The following ZNF568 variants were observed in gnomAD, a reference collection of about 807,000 sequenced individuals.
The protein encoded by ZNF568 is zinc finger protein 568.
In ZNF568, 11 loss-of-function variants were observed where a neutral mutation model predicts 18.1. The observed-to-expected ratio is 0.61, with a 90% CI of 0.38 to 1.00. The LOEUF (loss-of-function observed/expected upper bound fraction) is 1.00. Ranked by LOEUF, ZNF568 falls within the 50% of genes least tolerant of loss-of-function variation. The pLI is 0.01. For missense variants in ZNF568, 639 were observed against 768.2 expected, an observed-to-expected ratio of 0.83 and a Z score of 1.99; for synonymous variants, 213 against 246.6, an observed-to-expected ratio of 0.86 and a Z score of 1.28.
intron 2 of ZNF568, among the ~76,000 whole-genome samples, chr19:36,918,121 T>C (rs2073383747): frequency 6.6e-6 from 1 of 152,130 alleles, no homozygotes; most frequent in Non-Finnish European, 1.5e-5. Flanking sequence ...TGATTTTTTG[T>C]ATTTTTAGCA....
chr19:36,940,499 C>A (rs890046782), intron 6 of ZNF568, among the ~76,000 whole-genome samples: 1 of 152,136 alleles, frequency 6.6e-6, no homozygotes, highest in Non-Finnish European at 1.5e-5. Context: ...AACTTTTATT[C>A]TTCCTATAAA....
chr19:36,997,788 A>T, downstream of ZNF568: 1 of 590,106 alleles, frequency 1.7e-6, no homozygotes, highest in South Asian at 2.1e-5. Context: ...AAAAAAACTT[A>T]TGATTCTAAG....
At chr19:36,964,318 G>A (rs1397192946) in intron 6 of ZNF568, among the ~76,000 whole-genome samples, 1 of 152,156 alleles carries the variant, frequency 6.6e-6, no homozygotes, top group African/African-American at 2.4e-5. Context: ...TGTTAGATTC[G>A]CTTCTGAACC....
intron 2 of ZNF568, among the ~76,000 whole-genome samples, chr19:36,989,760 G>C (rs1243377956): frequency 6.6e-6 from 1 of 151,894 alleles, no homozygotes; most frequent in Non-Finnish European, 1.5e-5. Flanking sequence ...TCACTGTGTT[G>C]GTCTTGAACT....
chr19:36,944,557 A>G (rs1479253757), intron 6 of ZNF568, among the ~76,000 whole-genome samples: 1 of 152,074 alleles, frequency 6.6e-6, no homozygotes, highest in African/African-American at 2.4e-5. Context: ...CACCCTTGAC[A>G]CTATTGACAT....
In ZNF568 at chr19:36,996,870, AC is replaced by A. The variant is rs777613591; in HGVS notation, c.786del (p.Tyr263IlefsTer72). Reference sequence around the variant, plus strand: ...ATCAGAGGATGCATCTTGGTGAGAAACCCTATAAGTGTAGGGAGTGTGGGAA... The same window carrying A: ...ATCAGAGGATGCATCTTGGTGAGAAACCTATAAGTGTAGGGAGTGTGGGAA... On this transcript the variant is annotated frameshift_variant, in exon 5 of 5. Coordinates refer to the ZNF568 transcript ENST00000433993. LOFTEE classifies it low-confidence loss of function (END_TRUNC). 2.0e-4 allele frequency: 310 copies of A among 1,540,080 alleles called. 1 individual carries two copies. Among genetic ancestry groups the A allele is most frequent in the Non-Finnish European group, 2.7e-4 (305 of 1,148,756 alleles).
downstream of ZNF568, among the ~76,000 whole-genome samples, chr19:36,983,276 C>A (rs2074346603): frequency 6.6e-6 from 1 of 152,164 alleles, no homozygotes; most frequent in African/African-American, 2.4e-5. Flanking sequence ...GGTCTAGCCT[C>A]ATAAAATATA....
At chr19:36,993,789 T>G (rs1370165643) in intron 4 of ZNF568, among the ~76,000 whole-genome samples, 1 of 152,100 alleles carries the variant, frequency 6.6e-6, no homozygotes, top group South Asian at 2.1e-4. Flanking sequence ...ACTTCTCTCT[T>G]TTTTTGTTGG....
rs748716762 is a variant in ZNF568, at chr19:36,974,498, A to T, written c.405+32A>T. ...TGCATTTGACATTTTCTTGGAAAGGACTTACTGGTTTTCAGGACAGTGTCC... is the reference window on the plus strand; with the variant it reads ...TGCATTTGACATTTTCTTGGAAAGGTCTTACTGGTTTTCAGGACAGTGTCC... On this transcript the variant is annotated intron_variant, in intron 7 of 7. Coordinates refer to the ZNF568 transcript ENST00000427117. 7.8e-6 allele frequency: 12 copies of T among 1,532,662 alleles called. No individual in the cohort carries two copies. The South Asian group carries it at 1.4e-4, about 18-fold the overall frequency. The allele number at this position is 1,532,662 out of a possible 1,614,324, so 94.9% of individuals were successfully genotyped here.
At chr19:36,947,265 C>T (rs538356436) in intron 6 of ZNF568, among the ~76,000 whole-genome samples, 62 of 151,840 alleles carry the variant, frequency 4.1e-4, no homozygotes, top group African/African-American at 1.4e-3. Flanking sequence ...CCACCTGCCT[C>T]GGCCTCCCAA....
rs77508491 is a variant in ZNF568, at chr19:36,941,171, G to A, written c.358+3929G>A. Reference sequence around the variant, plus strand: ...GTTTATAAGATAAACAGAATATGAAGGTTAAAACACATCTAGTTATCTGAA... The same window carrying A: ...GTTTATAAGATAAACAGAATATGAAAGTTAAAACACATCTAGTTATCTGAA... On this transcript the variant is annotated intron_variant, in intron 6 of 6. Transcript: ENST00000333987. Among the ~76,000 whole-genome samples the A allele has an allele frequency of 4.0e-3, 604 of 152,252 alleles. 4 individuals carry two copies. The highest frequency in any genetic ancestry group is 0.014 in the African/African-American group (576 of 41,550).
chr19:36,993,988 CAGTT>C (rs1379340439), intron 4 of ZNF568, among the ~76,000 whole-genome samples: 2 of 148,982 alleles, frequency 1.3e-5, no homozygotes, highest in African/African-American at 2.5e-5. Flanking sequence ...TTAAGATATA[CAGTT>C]AGATTGTTGA....
At chr19:36,972,951 A>G (rs1600843181) in intron 6 of ZNF568, among the ~76,000 whole-genome samples, 1 of 152,296 alleles carries the variant, frequency 6.6e-6, no homozygotes, top group Admixed American at 6.5e-5. Context: ...ACGGCCCCAC[A>G]GCCTTTTTCT....
chr19:36,949,666 A>G lies in ZNF568; in HGVS notation c.513A>G (p.Ser171=), dbSNP rs780906308. The part of the protein sequence containing the change: ...IFPLSSDIVT[S]RQSFYDCDSL... ...CTCTGAGTTCAGACATTGTTACTTC[A>G]AGACAAAGCTTCTATGACTGTGACT... Residue 171 remains serine (S), a synonymous_variant, in exon 7 of 7, where the codon TCA becomes TCG. Transcript: ENST00000333987. 8 of 1,613,894 alleles carry G rather than the reference A, an allele frequency of 5.0e-6. No individual in the cohort carries two copies. Among genetic ancestry groups the G allele is most frequent in the Middle Eastern group, 3.3e-4 (2 of 6,056 alleles).
downstream of ZNF568, chr19:36,997,781 A>AG (rs2074493336): frequency 1.7e-6 from 1 of 596,372 alleles, no homozygotes; most frequent in Non-Finnish European, 3.0e-6. Flanking sequence ...TTTGGAAAAA[A>AG]AAACTTATGA....
intron 2 of ZNF568, among the ~76,000 whole-genome samples, chr19:36,921,535 C>G (rs1410238816): frequency 6.6e-6 from 1 of 151,604 alleles, no homozygotes; most frequent in African/African-American, 2.4e-5. Context: ...GAGGATATCT[C>G]AAGCATAGCA....
rs554536597 is a variant in ZNF568 at position 36,947,296 on chromosome 19, A to G, written c.359-2216A>G. Among the ~76,000 whole-genome samples, 29 of 152,242 alleles carry G rather than the reference A, an allele frequency of 1.9e-4. 1 individual carries two copies. Among genetic ancestry groups the G allele is most frequent in the African/African-American group, 4.3e-4 (18 of 41,546 alleles). Reference sequence around the variant, plus strand: ...CCCAAAGTGCGGGGATTACAGGTGTAAGCCACCATGCCCTGGCTGAACCTG... The same window carrying G: ...CCCAAAGTGCGGGGATTACAGGTGTGAGCCACCATGCCCTGGCTGAACCTG... On this transcript the variant is annotated intron_variant, in intron 6 of 6. Transcript: ENST00000333987.
intron 6 of ZNF568, among the ~76,000 whole-genome samples, chr19:36,964,079 C>A (rs748225778): frequency 2.6e-5 from 4 of 151,766 alleles, no homozygotes; most frequent in Admixed American, 2.6e-4. Flanking sequence ...TGCTTCTGAA[C>A]CTTTGTGAAA....
rs563520030 is a variant in ZNF568 at position 36,967,487 on chromosome 19, C to T, written c.359-6933C>T. 7.9e-5 allele frequency among the ~76,000 whole-genome samples: 12 copies of T among 152,166 alleles called. No individual in the cohort carries two copies. In the South Asian group the frequency reaches 2.1e-3, roughly 26 times the overall value. On this transcript the variant is annotated intron_variant, in intron 6 of 7. Transcript: ENST00000427117. ...CTGAGGCACGAGAATCACTTGAACC[C>T]GAGAGGCAGATATTACAGTGAGCTG...
Sources: allele counts gnomAD v4.1 joint callset (sites outside exome capture counted in the v4.1 genomes callset), GRCh38; gene constraint gnomAD v4.1.1; transcripts MANE v1.5; gene names NCBI Gene and HGNC (gene_info 2026-07-23, HGNC 2026-07-21).